Variants in NEK11 observed in about 807,000 individuals in gnomAD.
NEK11 encodes NIMA related kinase 11.
A neutral mutation model predicts 80.7 loss-of-function variants in NEK11; 72 were observed. The observed-to-expected ratio is 0.89, with a 90% CI of 0.74 to 1.08. The LOEUF (loss-of-function observed/expected upper bound fraction) is 1.08. Ranked by LOEUF, NEK11 falls within the 50% of genes least tolerant of loss-of-function variation. NEK11 has a pLI of 0.00. For missense variants in NEK11, 764 were observed against 763.6 expected, an observed-to-expected ratio of 1.00 and a Z score of -0.01; for synonymous variants, 251 against 260.7, an observed-to-expected ratio of 0.96 and a Z score of 0.36.
At chr3:131,056,798 G>C (rs965410404) in intron 3 of NEK11, among the ~76,000 whole-genome samples, 9 of 152,228 alleles carry the variant, frequency 5.9e-5, no homozygotes, top group African/African-American at 2.2e-4. Context: ...AACAAAGGGG[G>C]TCAAAGCAGA....
intron 17 of NEK11, among the ~76,000 whole-genome samples, chr3:131,348,069 G>A (rs1157798228): frequency 6.6e-6 from 1 of 151,984 alleles, no homozygotes; most frequent in Non-Finnish European, 1.5e-5. Flanking sequence ...ATTTAATCAA[G>A]CACAACATAT....
chr3:131,294,173 C>T (rs977591772), intron 17 of NEK11, among the ~76,000 whole-genome samples: 3 of 151,848 alleles, frequency 2.0e-5, no homozygotes, highest in African/African-American at 7.3e-5. Flanking sequence ...GATTTTATAT[C>T]TTTCTTCCTT....
At chr3:131,252,312 T>G (rs1293363821) in intron 16 of NEK11, among the ~76,000 whole-genome samples, 2 of 152,136 alleles carry the variant, frequency 1.3e-5, no homozygotes, top group African/African-American at 4.8e-5. Context: ...AAGATATGTA[T>G]GTATCTTCTA....
intron 17 of NEK11, among the ~76,000 whole-genome samples, chr3:131,287,634 A>G (rs1376652431): frequency 1.3e-5 from 2 of 152,018 alleles, no homozygotes; most frequent in East Asian, 3.9e-4. Flanking sequence ...GGATATCTGA[A>G]TTATAAGAGT....
At chr3:131,249,473 C>T (rs1440252026) in intron 16 of NEK11, among the ~76,000 whole-genome samples, 3 of 152,072 alleles carry the variant, frequency 2.0e-5, no homozygotes, top group African/African-American at 7.2e-5. Flanking sequence ...CAATATTCCT[C>T]TCCACAGTCA....
intron 14 of NEK11, among the ~76,000 whole-genome samples, chr3:131,183,375 C>A (rs2093451757): frequency 6.6e-6 from 1 of 152,146 alleles, no homozygotes; most frequent in African/African-American, 2.4e-5. Context: ...TGGCACCTGT[C>A]AACCCATCAC....
chr3:131,050,923 G>A (rs552793854), intron 3 of NEK11, among the ~76,000 whole-genome samples: 3 of 152,218 alleles, frequency 2.0e-5, no homozygotes, highest in East Asian at 1.9e-4. Context: ...CCAGCTACTC[G>A]GAAGGCTGAG....
At chr3:131,343,497 G>T (rs920281086) in intron 17 of NEK11, among the ~76,000 whole-genome samples, 7 of 152,206 alleles carry the variant, frequency 4.6e-5, no homozygotes, top group Non-Finnish European at 1.0e-4. Flanking sequence ...CATTGGCTGA[G>T]AACTAGGGTG....
At chr3:131,057,428 G>C (rs956467862) in intron 3 of NEK11, among the ~76,000 whole-genome samples, 5 of 151,804 alleles carry the variant, frequency 3.3e-5, no homozygotes, top group Non-Finnish European at 4.4e-5. Context: ...GGGTCAAATG[G>C]TATTTCTAGT....
At chr3:131,309,321 G>C (rs1405134401) in intron 17 of NEK11, among the ~76,000 whole-genome samples, 1 of 152,086 alleles carries the variant, frequency 6.6e-6, no homozygotes, top group Non-Finnish European at 1.5e-5. Flanking sequence ...AATCTTTGGG[G>C]GAAGAAACAA....
chr3:131,159,595 ATC>A (rs1386015584), intron 10 of NEK11, among the ~76,000 whole-genome samples: 1 of 152,168 alleles, frequency 6.6e-6, no homozygotes, highest in Non-Finnish European at 1.5e-5. Flanking sequence ...GGGAAACCCC[ATC>A]TCTACAAAAA....
intron 7 of NEK11, among the ~76,000 whole-genome samples, chr3:131,151,435 T>C (rs1270239364): frequency 6.6e-6 from 1 of 152,078 alleles, no homozygotes; most frequent in Non-Finnish European, 1.5e-5. Flanking sequence ...GTTTCATGAG[T>C]ACCCACAAAA....
intron 17 of NEK11, among the ~76,000 whole-genome samples, chr3:131,288,453 T>TC (rs1553993064): frequency 0.032 from 870 of 27,264 alleles, 11 homozygotes; most frequent in African/African-American, 0.067. Flanking sequence ...TTTCTTTCTT[T>TC]TTTTTTTTTT....
chr3:131,159,354 C>T (rs2091211617), intron 10 of NEK11, among the ~76,000 whole-genome samples: 1 of 152,106 alleles, frequency 6.6e-6, no homozygotes, highest in Non-Finnish European at 1.5e-5. Flanking sequence ...GATGCAGGAG[C>T]ACATTCAAAC....
chr3:131,046,558 T>G (rs527448302), intron 3 of NEK11, among the ~76,000 whole-genome samples: 2 of 151,726 alleles, frequency 1.3e-5, no homozygotes, highest in South Asian at 4.2e-4. Flanking sequence ...AATATGTATC[T>G]GGTTTCCAAT....
At chr3:131,205,173 G>C (rs190269615) in intron 14 of NEK11, among the ~76,000 whole-genome samples, 26 of 152,264 alleles carry the variant, frequency 1.7e-4, no homozygotes, top group African/African-American at 6.3e-4. Flanking sequence ...CTTGGTTTTG[G>C]AATTTGGGTT....
chr3:131,211,296 C>T (rs1390225004), intron 14 of NEK11, among the ~76,000 whole-genome samples: 3 of 152,130 alleles, frequency 2.0e-5, no homozygotes, highest in Non-Finnish European at 4.4e-5. Flanking sequence ...AATATTGACC[C>T]CCACTCTCTT....
rs116001354 is a variant in NEK11, at chr3:131,277,868, G to A, written c.1718+4294G>A. On this transcript the variant is annotated intron_variant, in intron 17 of 17. Coordinates refer to ENST00000383366, the MANE Select transcript of NEK11 (RefSeq NM_024800.5). ...TTTTGCCTCATAGAGTTGTTGTTAG[G>A]GTGAGTTGAGATAATGTATGAAATG... Among the ~76,000 whole-genome samples, 1,469 of 152,260 alleles carry A rather than the reference G, an allele frequency of 9.6e-3. 15 individuals carry two copies. The highest frequency in any genetic ancestry group is 0.032 in the African/African-American group (1,314 of 41,540).
chr3:131,074,089 T>C (rs1206071885), intron 3 of NEK11, among the ~76,000 whole-genome samples: 2 of 152,160 alleles, frequency 1.3e-5, no homozygotes, highest in African/African-American at 4.8e-5. Flanking sequence ...GTCTTGATGA[T>C]ATACCCTTTC....
Sources: allele counts gnomAD v4.1 joint callset (sites outside exome capture counted in the v4.1 genomes callset), GRCh38; gene constraint gnomAD v4.1.1; transcripts MANE v1.5; gene names NCBI Gene and HGNC (gene_info 2026-07-23, HGNC 2026-07-21).